Variants in PLOD2 observed in about 807,000 individuals in gnomAD.
The protein encoded by PLOD2 is lysine hydroxylase 2.
In PLOD2, 65 loss-of-function variants were observed where a neutral mutation model predicts 101.0. The observed-to-expected ratio is 0.64, with a 90% CI of 0.53 to 0.79. PLOD2 has a LOEUF of 0.79. Ranked by LOEUF, PLOD2 falls within the 30% of genes least tolerant of loss-of-function variation. The probability of loss-of-function intolerance (pLI) is 0.00; values close to 1 mark genes in which losing one functional copy is unlikely to be tolerated. For missense variants in PLOD2, 909 were observed against 914.6 expected (o/e 0.99, Z 0.08); for synonymous variants, 314 against 302.9 (o/e 1.04, Z -0.38).
chr3:146,121,472 A>C (rs2030152387), intron 2 of PLOD2, among the ~76,000 whole-genome samples: 1 of 152,122 alleles, frequency 6.6e-6, no homozygotes, highest in Admixed American at 6.6e-5. Context: ...TTACCATCTC[A>C]AAAGTTGTGA....
chr3:146,135,811 T>C (rs1447325636), intron 1 of PLOD2, among the ~76,000 whole-genome samples: 1 of 152,104 alleles, frequency 6.6e-6, no homozygotes, highest in Non-Finnish European at 1.5e-5. Flanking sequence ...TACAGACATA[T>C]AATATTCTGT....
intron 7 of PLOD2, among the ~76,000 whole-genome samples, chr3:146,099,746 T>C (rs1937319626): frequency 6.6e-6 from 1 of 152,046 alleles, no homozygotes; most frequent in Non-Finnish European, 1.5e-5. Context: ...TATGTAGTTA[T>C]GGGAAAAGTG....
At chr3:146,153,172 C>G (rs949652839) in intron 1 of PLOD2, among the ~76,000 whole-genome samples, 10 of 152,192 alleles carry the variant, frequency 6.6e-5, no homozygotes, top group Non-Finnish European at 1.3e-4. Flanking sequence ...CCCATCCGCC[C>G]TCTTCATAAC....
At chr3:146,150,424 G>A (rs945255577) in intron 1 of PLOD2, among the ~76,000 whole-genome samples, 4 of 151,594 alleles carry the variant, frequency 2.6e-5, no homozygotes, top group Non-Finnish European at 4.4e-5. Context: ...TGTTTTTTGC[G>A]AGAACATGGA....
chr3:146,151,401 G>GC (rs1299698268), intron 1 of PLOD2, among the ~76,000 whole-genome samples: 1 of 152,158 alleles, frequency 6.6e-6, no homozygotes, highest in Non-Finnish European at 1.5e-5. Context: ...GGAGGCTGAG[G>GC]CAGAAGAATC....
At chr3:146,096,034 G>C (rs1937144439) in intron 7 of PLOD2, among the ~76,000 whole-genome samples, 1 of 147,464 alleles carries the variant, frequency 6.8e-6, no homozygotes, top group Admixed American at 6.7e-5. Context: ...TTGCAGGCGC[G>C]CGCCGCCACG....
At chr3:146,106,784 G>C in intron 4 of PLOD2, 140 bp from the exon 5 acceptor site, 1 of 686,038 alleles carries the variant, frequency 1.5e-6, no homozygotes, top group South Asian at 1.6e-5. Context: ...AGCTCACCAT[G>C]AAAGAAATAT....
At chr3:146,078,603 CTA>C (rs573294053) in intron 13 of PLOD2, among the ~76,000 whole-genome samples, 464 of 151,878 alleles carry the variant, frequency 3.1e-3, no homozygotes, top group African/African-American at 0.011. Context: ...AGTAAATACA[CTA>C]TGTATCTCAA....
chr3:146,122,855 G>C (rs530174558), intron 2 of PLOD2, among the ~76,000 whole-genome samples: 46 of 152,026 alleles, frequency 3.0e-4, no homozygotes, highest in Non-Finnish European at 4.6e-4. Context: ...AAGGTGCCTT[G>C]CACATAAGAA....
chr3:146,111,839 T>A (rs575821300), intron 3 of PLOD2, among the ~76,000 whole-genome samples: 1 of 127,632 alleles, frequency 7.8e-6, no homozygotes, highest in East Asian at 2.8e-4. Flanking sequence ...CTATAAGTTG[T>A]TGATAATTTT....
Position 146,160,991 on chromosome 3 carries a change from T to G in PLOD2, c.-2A>C. On this transcript the variant is annotated 5_prime_UTR_variant, in exon 1 of 20. Transcript: ENST00000282903. ...AGGCTTCACCGTGCATCCCCCCATA[T>G]TCGGCCCTCGAGGGCCGCGCGGGCT... 6.4e-7 allele frequency: 1 copy of G among 1,569,084 alleles called. No individual in the cohort carries two copies. Among genetic ancestry groups the G allele is most frequent in the Non-Finnish European group, 8.6e-7 (1 of 1,156,094 alleles).
chr3:146,071,414 T>C lies in PLOD2; in HGVS notation c.1858A>G (p.Ile620Val), dbSNP rs766209982. ...WSGGKHHDSRISGGYENVPTD... is the reference protein window; with the variant it reads ...WSGGKHHDSRVSGGYENVPTD... ...GGGACATTTTCATAACCACCAGATA[T>C]ACGGCTATCCTAGAAACAACATTAA... Residue 620 changes from isoleucine (I) to valine (V), a missense_variant, in exon 18 of 20, where the codon ATA (isoleucine) becomes GTA (valine). Coordinates refer to ENST00000282903, the MANE Select transcript of PLOD2 (RefSeq NM_182943.3). 16 of 1,611,476 alleles carry C rather than the reference T, an allele frequency of 9.9e-6. No individual in the cohort carries two copies. The highest frequency in any genetic ancestry group is 1.3e-5 in the Non-Finnish European group (15 of 1,178,244).
At chr3:146,131,119 G>C (rs2030883072) in intron 1 of PLOD2, among the ~76,000 whole-genome samples, 1 of 152,136 alleles carries the variant, frequency 6.6e-6, no homozygotes, top group Admixed American at 6.5e-5. Flanking sequence ...TTCCATGGTA[G>C]GTAAACATTT....
At chr3:146,073,796 G>A (rs1170388308) in intron 15 of PLOD2, 3 of 151,444 alleles carry the variant, frequency 2.0e-5, no homozygotes, top group Non-Finnish European at 3.0e-5. Context: ...GGTAAATAAA[G>A]GTGTGCTTAA....
chr3:146,091,827 G>A lies in PLOD2; in HGVS notation c.852C>T (p.Phe284=), dbSNP rs145189838. Residue 284 remains phenylalanine, a synonymous_variant, in exon 8 of 20, where the codon TTC becomes TTT. Transcript: ENST00000282903. ...CTACTGCAGACAAGTCGACTGTATC[G>A]AATTCACAAAGAGTGCAGCCATTAT... is the stretch of plus-strand genomic sequence containing the variant. The part of the protein sequence containing the change: ...TQDNGCTLCE[F]DTVDLSAVDV... 12 of 1,601,616 alleles carry A rather than the reference G, an allele frequency of 7.5e-6. No individual in the cohort carries two copies. Among genetic ancestry groups the A allele is most frequent in the Admixed American group, 3.3e-5 (2 of 59,958 alleles).
intron 3 of PLOD2, among the ~76,000 whole-genome samples, chr3:146,111,267 T>G (rs1937627665): frequency 6.6e-6 from 1 of 152,060 alleles, no homozygotes; most frequent in African/African-American, 2.4e-5. Flanking sequence ...AGACCAAAGG[T>G]TTCCAATGAT....
chr3:146,085,751 T>C (rs939062490), intron 10 of PLOD2: 1 of 162,744 alleles, frequency 6.1e-6, no homozygotes, highest in Non-Finnish European at 1.3e-5. Flanking sequence ...GCAGTGACTA[T>C]GTTTGCTTTC....
In PLOD2 at chr3:146,071,439, A is replaced by G; in HGVS notation, c.1849-16T>C. The G allele has an allele frequency of 6.2e-7, 1 of 1,609,882 alleles. No individual in the cohort carries two copies. Among genetic ancestry groups the G allele is most frequent in the Non-Finnish European group, 8.5e-7 (1 of 1,176,800 alleles). On this transcript the variant is annotated splice_polypyrimidine_tract_variant and intron_variant, in intron 17 of 19. Transcript: ENST00000282903. ...TACGGCTATCCTAGAAACAACATTA[A>G]TGACATAATAAGCTGTACTCCACGT... is the stretch of plus-strand genomic sequence containing the variant.
Position 146,070,375 on chromosome 3 carries a change from A to G in PLOD2, c.*342T>C, listed in dbSNP as rs1190159004. On this transcript the variant is annotated 3_prime_UTR_variant, in exon 20 of 20. Transcript: ENST00000282903. Reference sequence around the variant, plus strand: ...AAATCTTCCCATGCTTTTTTTAAATAAGAAAATATTATTAGTCTTGTTATT... The same window carrying G: ...AAATCTTCCCATGCTTTTTTTAAATGAGAAAATATTATTAGTCTTGTTATT... 2.5e-5 allele frequency: 4 copies of G among 157,274 alleles called. No individual in the cohort carries two copies. Among genetic ancestry groups the G allele is most frequent in the Non-Finnish European group, 5.6e-5 (4 of 71,704 alleles). The allele number at this position is 157,274 out of a possible 1,614,324, so 9.7% of individuals were successfully genotyped here. A position where few individuals can be genotyped will look rare whatever the true frequency, so the allele number is the denominator to read the frequency against.
Sources: gnomAD v4.1 joint callset for allele counts (sites outside exome capture counted in the v4.1 genomes callset) on GRCh38, gnomAD v4.1.1 for gene constraint, MANE v1.5 for transcripts, NCBI Gene and HGNC (gene_info 2026-07-23, HGNC 2026-07-21) for gene names.